The following ZPLD1 variants were observed in gnomAD, a reference collection of about 807,000 sequenced individuals.
The protein encoded by ZPLD1 is zona pellucida-like domain-containing protein 1.
Under a neutral mutation model 47.2 loss-of-function variants are expected in ZPLD1, and 34 were observed. The observed-to-expected ratio is 0.72, with a 90% CI of 0.55 to 0.96. The LOEUF (loss-of-function observed/expected upper bound fraction) is 0.96, where lower values mean the gene tolerates loss of function less well. ZPLD1 is among the 40% of genes least tolerant of loss of function. ZPLD1 has a pLI of 0.00. For synonymous variants in ZPLD1, 176 were observed against 186.2 expected, an observed-to-expected ratio of 0.95 and a Z score of 0.45; for missense variants, 512 against 505.8, an observed-to-expected ratio of 1.01 and a Z score of -0.12.
chr3:102,475,867 G>A lies in ZPLD1; in HGVS notation c.1043-1145G>A, dbSNP rs114298087. ...CAGATATTTTATAAATATCTCACCA[G>A]GTTCTCCCATTACTTGCTTAAAATA... On this transcript the variant is annotated intron_variant, in intron 10 of 11. Transcript: ENST00000466937. Among the ~76,000 whole-genome samples, 909 of 152,200 alleles carry A rather than the reference G, an allele frequency of 6.0e-3. 6 individuals carry two copies. Among genetic ancestry groups the A allele is most frequent in the African/African-American group, 0.021 (857 of 41,538 alleles).
intron 4 of ZPLD1, 89 bp from the exon 5 acceptor site, chr3:102,456,104 G>A: frequency 9.2e-7 from 1 of 1,087,510 alleles, no homozygotes; most frequent in Non-Finnish European, 1.3e-6. Context: ...CTCTAGAATA[G>A]ATTTTGCTTA....
chr3:102,396,688 G>A (rs904098843), intron 7 of ZPLD1, among the ~76,000 whole-genome samples: 2 of 152,094 alleles, frequency 1.3e-5, no homozygotes, highest in Admixed American at 1.3e-4. Context: ...GGTGGCAGAG[G>A]CAGCATTCAG....
At chr3:102,414,412 A>G (rs1706780853) in intron 7 of ZPLD1, among the ~76,000 whole-genome samples, 1 of 151,888 alleles carries the variant, frequency 6.6e-6, no homozygotes, top group Non-Finnish European at 1.5e-5. Flanking sequence ...TTTTATTGTC[A>G]AATAGGACAG....
chr3:102,411,744 TA>T, intron 7 of ZPLD1, among the ~76,000 whole-genome samples: 1 of 151,852 alleles, frequency 6.6e-6, no homozygotes, highest in East Asian at 1.9e-4. Flanking sequence ...AAATAAAAAC[TA>T]AAAATAAAAT....
intron 3 of ZPLD1, among the ~76,000 whole-genome samples, chr3:102,448,170 A>C (rs1312481571): frequency 6.6e-6 from 1 of 152,216 alleles, no homozygotes; most frequent in Non-Finnish European, 1.5e-5. Context: ...GATTAATATC[A>C]GGGGAAAAAC....
intron 4 of ZPLD1, among the ~76,000 whole-genome samples, chr3:102,454,424 C>G (rs1707382320): frequency 6.6e-6 from 1 of 152,134 alleles, no homozygotes; most frequent in East Asian, 1.9e-4. Context: ...CCCACCATGC[C>G]CTGAAGCCTT....
At chr3:102,466,398 G>A (rs149818904) in intron 8 of ZPLD1, among the ~76,000 whole-genome samples, 210 of 152,276 alleles carry the variant, frequency 1.4e-3, no homozygotes, top group African/African-American at 4.8e-3. Flanking sequence ...GGTATTTCTT[G>A]CAGTGTTCCA....
chr3:102,455,727 G>A (rs993319834), intron 4 of ZPLD1, among the ~76,000 whole-genome samples: 2 of 152,158 alleles, frequency 1.3e-5, no homozygotes, highest in East Asian at 3.9e-4. Context: ...TTGCATATGG[G>A]GAGTCAGGGG....
chr3:102,409,777 C>G (rs182695366), intron 7 of ZPLD1, among the ~76,000 whole-genome samples: 22 of 151,832 alleles, frequency 1.4e-4, no homozygotes, highest in African/African-American at 5.3e-4. Flanking sequence ...TTTAGTAATG[C>G]CTTACCTTGA....
intron 9 of ZPLD1, 71 bp downstream of exon 9, chr3:102,469,206 A>G: frequency 6.7e-7 from 1 of 1,486,922 alleles, no homozygotes; most frequent in Non-Finnish European, 9.1e-7. Context: ...AATGTCAGAA[A>G]CTAAGTTCTG....
At chr3:102,421,039 C>A (rs898008218) in intron 8 of ZPLD1, among the ~76,000 whole-genome samples, 9 of 151,892 alleles carry the variant, frequency 5.9e-5, no homozygotes, top group African/African-American at 2.2e-4. Flanking sequence ...AGTTAGGATT[C>A]TCTATAAAAT....
intron 10 of ZPLD1, 87 bp downstream of exon 10, chr3:102,470,589 C>G: frequency 2.0e-6 from 2 of 983,124 alleles, no homozygotes; most frequent in Non-Finnish European, 3.1e-6. Flanking sequence ...CAAAGTGGTT[C>G]CTAAACAGCA....
At chr3:102,463,918 C>A (rs967875208) in intron 7 of ZPLD1, among the ~76,000 whole-genome samples, 5 of 148,624 alleles carry the variant, frequency 3.4e-5, no homozygotes, top group Non-Finnish European at 7.4e-5. Flanking sequence ...GGCTTGGTGG[C>A]GGGCGCCTGT....
At chr3:102,421,369 A>G (rs1056813792) in intron 8 of ZPLD1, among the ~76,000 whole-genome samples, 3 of 151,890 alleles carry the variant, frequency 2.0e-5, no homozygotes, top group African/African-American at 7.2e-5. Flanking sequence ...TTTCAAATGT[A>G]ATTTATCATG....
intron 3 of ZPLD1, among the ~76,000 whole-genome samples, chr3:102,438,803 A>G (rs1481945958): frequency 6.6e-6 from 1 of 152,180 alleles, no homozygotes; most frequent in Non-Finnish European, 1.5e-5. Flanking sequence ...ATATTATTAT[A>G]ATGGCTGCTC....
intron 7 of ZPLD1, among the ~76,000 whole-genome samples, chr3:102,411,400 A>G (rs1706746362): frequency 6.6e-6 from 1 of 151,864 alleles, no homozygotes; most frequent in Non-Finnish European, 1.5e-5. Flanking sequence ...AAACTGTATT[A>G]CTAAATTTGA....
At position 102,479,386 on chromosome 3, in the gene ZPLD1, A is replaced by G. The variant is rs1160769066; in HGVS notation, c.*1768A>G. On this transcript the variant is annotated 3_prime_UTR_variant, in exon 12 of 12. Transcript: ENST00000466937. Reference sequence around the variant, plus strand: ...TTTCAGATACTTTAAGTGAATTGCCATTGATTCTACGATTAAGTTCTGTGA... The same window carrying G: ...TTTCAGATACTTTAAGTGAATTGCCGTTGATTCTACGATTAAGTTCTGTGA... 5 of 152,182 alleles carry G rather than the reference A, an allele frequency of 3.3e-5. No individual in the cohort carries two copies. The East Asian group carries it at 7.7e-4, about 23-fold the overall frequency. The allele number at this position is 152,182 out of a possible 1,614,324, so 9.4% of individuals were successfully genotyped here.
chr3:102,458,782 A>G (rs912146428), intron 6 of ZPLD1, among the ~76,000 whole-genome samples: 4 of 152,256 alleles, frequency 2.6e-5, no homozygotes, highest in Admixed American at 6.5e-5. Context: ...TCGTTTCTAA[A>G]CTTTCTTCTG....
At chr3:102,418,096 C>T (rs572943412) in exon 8 of ZPLD1, 3 of 152,174 alleles carry the variant, frequency 2.0e-5, no homozygotes, top group South Asian at 2.1e-4. Context: ...TCATTTGAAG[C>T]CTTGACTCTT....
Sources: allele counts gnomAD v4.1 joint callset (sites outside exome capture counted in the v4.1 genomes callset), GRCh38; gene constraint gnomAD v4.1.1; transcripts MANE v1.5; gene names NCBI Gene and HGNC (gene_info 2026-07-23, HGNC 2026-07-21).